AMPH: variants seen among roughly 807,000 people sequenced by gnomAD.
The protein encoded by AMPH is amphiphysin, also known as amphiphysin (Stiff-Mann syndrome with breast cancer 128kD autoantigen).
A neutral mutation model predicts 99.1 loss-of-function variants in AMPH; 49 were observed. That is an observed-to-expected ratio of 0.49 (90% CI 0.39 to 0.63). The LOEUF (loss-of-function observed/expected upper bound fraction) is 0.63, where lower values mean the gene tolerates loss of function less well. Ranked by LOEUF, AMPH falls within the 20% of genes least tolerant of loss-of-function variation. AMPH has a pLI of 0.00. For missense variants in AMPH, 759 were observed against 863.4 expected, an observed-to-expected ratio of 0.88 and a Z score of 1.52; for synonymous variants, 314 against 317.3, an observed-to-expected ratio of 0.99 and a Z score of 0.11.
intron 1 of AMPH, among the ~76,000 whole-genome samples, chr7:38,540,098 T>C (rs903717814): frequency 3.3e-5 from 5 of 152,240 alleles, no homozygotes; most frequent in Admixed American, 6.5e-5. Flanking sequence ...TGTATTTATG[T>C]ATTTGATATG....
At chr7:38,429,238 C>T in intron 14 of AMPH, 1 of 1,287,456 alleles carries the variant, frequency 7.8e-7, no homozygotes, top group South Asian at 1.2e-5. Flanking sequence ...GCAATGGCAA[C>T]TCCAGCCTCC....
chr7:38,568,370 C>T (rs1791822162), intron 1 of AMPH, among the ~76,000 whole-genome samples: 2 of 152,100 alleles, frequency 1.3e-5, no homozygotes, highest in African/African-American at 4.8e-5. Flanking sequence ...GAGGCTGACG[C>T]AGGAGGATGG....
intron 2 of AMPH, among the ~76,000 whole-genome samples, chr7:38,525,481 T>TGTGTGTGTGTG (rs60206516): frequency 6.7e-6 from 1 of 150,008 alleles, no homozygotes; most frequent in African/African-American, 2.5e-5. Context: ...TGTGTGTGTG[T>TGTGTGTGTGTG]TTAGTTTTAT....
At chr7:38,411,773 T>G (rs1233901886) in intron 17 of AMPH, among the ~76,000 whole-genome samples, 1 of 152,166 alleles carries the variant, frequency 6.6e-6, no homozygotes, top group Non-Finnish European at 1.5e-5. Context: ...TTTTAACATC[T>G]GAATGGGTCT....
intron 1 of AMPH, among the ~76,000 whole-genome samples, chr7:38,553,342 C>T (rs779426276): frequency 7.2e-5 from 11 of 152,176 alleles, no homozygotes; most frequent in Non-Finnish European, 1.5e-5. Context: ...TCCTGCCTGC[C>T]GAGCTCTGGC....
At position 38,557,170 on chromosome 7, in the gene AMPH, C is replaced by T. The variant is rs543080859; in HGVS notation, c.70-22159G>A. ...GCAAGAAAGAGAAACTGAACAAAGGCGCGGGAATAGCTATATCCACTCATT... is the reference window on the plus strand; with the variant it reads ...GCAAGAAAGAGAAACTGAACAAAGGTGCGGGAATAGCTATATCCACTCATT... On this transcript the variant is annotated intron_variant, in intron 1 of 20. Transcript: ENST00000356264. Among the ~76,000 whole-genome samples, 14 of 152,178 alleles carry T rather than the reference C, an allele frequency of 9.2e-5. No individual in the cohort carries two copies. The South Asian group carries it at 2.5e-3, about 27-fold the overall frequency.
At chr7:38,620,673 G>T (rs1227876781) in intron 1 of AMPH, among the ~76,000 whole-genome samples, 1 of 151,546 alleles carries the variant, frequency 6.6e-6, no homozygotes, top group Non-Finnish European at 1.5e-5. Context: ...TTTATAGATG[G>T]GTGACACTTA....
intron 1 of AMPH, among the ~76,000 whole-genome samples, chr7:38,563,509 T>C (rs1003523375): frequency 2.0e-5 from 3 of 152,170 alleles, no homozygotes; most frequent in Admixed American, 1.3e-4. Flanking sequence ...AAAAGTACTA[T>C]AATTGGGTTT....
chr7:38,546,228 G>A (rs1056271460), intron 1 of AMPH, among the ~76,000 whole-genome samples: 5 of 152,312 alleles, frequency 3.3e-5, no homozygotes, highest in Non-Finnish European at 5.9e-5. Context: ...AGCTCTGGAA[G>A]TACCAAAAGC....
chr7:38,590,578 C>T (rs893813567), intron 1 of AMPH, among the ~76,000 whole-genome samples: 2 of 152,240 alleles, frequency 1.3e-5, no homozygotes, highest in African/African-American at 4.8e-5. Flanking sequence ...GTCCCTCCCC[C>T]TGTGCTCTCA....
intron 20 of AMPH, among the ~76,000 whole-genome samples, chr7:38,386,616 G>A (rs997876123): frequency 3.9e-5 from 6 of 152,144 alleles, no homozygotes; most frequent in East Asian, 1.9e-4. Context: ...TCCTTCTGGA[G>A]AGAATAATTA....
intron 1 of AMPH, among the ~76,000 whole-genome samples, chr7:38,579,607 T>C (rs770059350): frequency 6.6e-6 from 1 of 152,246 alleles, no homozygotes; most frequent in African/African-American, 2.4e-5. Flanking sequence ...AAGAGATAAC[T>C]CAATATCCTA....
chr7:38,452,376 T>G (rs1746043940), intron 11 of AMPH, among the ~76,000 whole-genome samples: 1 of 152,242 alleles, frequency 6.6e-6, no homozygotes, highest in Non-Finnish European at 1.5e-5. Flanking sequence ...CTGTACTTCC[T>G]TGCAGTTAGC....
At chr7:38,519,770 A>C (rs990236939) in intron 2 of AMPH, among the ~76,000 whole-genome samples, 10 of 152,146 alleles carry the variant, frequency 6.6e-5, no homozygotes, top group Non-Finnish European at 1.5e-4. Flanking sequence ...TCTCCAATGG[A>C]TAAAAGAGGT....
chr7:38,606,566 C>CTTTTTTTTTTTTTTTTTTTTTT (rs56934636), intron 1 of AMPH, among the ~76,000 whole-genome samples: 1 of 97,274 alleles, frequency 1.0e-5, no homozygotes, highest in Non-Finnish European at 1.9e-5. Context: ...ACGTCATTCT[C>CTTTTTTTTTTTTTTTTTTTTTT]TTTTTTTTTT....
intron 7 of AMPH, among the ~76,000 whole-genome samples, chr7:38,472,687 A>C (rs1229823278): frequency 6.6e-6 from 1 of 152,204 alleles, no homozygotes; most frequent in Non-Finnish European, 1.5e-5. Context: ...GGAAGGCCTA[A>C]GTCAGGTTTT....
At chr7:38,425,942 T>C (rs1186329111) in intron 15 of AMPH, among the ~76,000 whole-genome samples, 2 of 152,148 alleles carry the variant, frequency 1.3e-5, no homozygotes, top group Admixed American at 1.3e-4. Context: ...GAATGAGAAA[T>C]TGATGACAGA....
chr7:38,627,385 T>A (rs28601638), intron 1 of AMPH, among the ~76,000 whole-genome samples: 194 of 16,212 alleles, frequency 0.012, 3 homozygotes, highest in African/African-American at 8.1e-3. Flanking sequence ...CTACTAAAAA[T>A]ACAAAAAAAA....
intron 11 of AMPH, among the ~76,000 whole-genome samples, chr7:38,459,500 C>A (rs113417227): frequency 2.0e-5 from 3 of 152,096 alleles, no homozygotes; most frequent in African/African-American, 7.2e-5. Context: ...AAAATAGACA[C>A]GTAGACCAAT....
Sources: gnomAD v4.1 joint callset for allele counts (sites outside exome capture counted in the v4.1 genomes callset) on GRCh38, gnomAD v4.1.1 for gene constraint, MANE v1.5 for transcripts, NCBI Gene and HGNC (gene_info 2026-07-23, HGNC 2026-07-21) for gene names.